Variants in LIN52 observed in about 807,000 individuals in gnomAD.
LIN52 encodes protein lin-52 homolog.
LIN52 carries 4 observed loss-of-function variants against 18.5 expected under a neutral mutation model. The ratio of observed to expected loss-of-function variants is 0.22; its 90% confidence interval spans 0.11 to 0.49. The LOEUF (loss-of-function observed/expected upper bound fraction) is 0.49. LIN52 is among the 20% of genes least tolerant of loss of function. LIN52 has a pLI of 0.97. For missense variants in LIN52, 102 were observed against 139.5 expected (o/e 0.73, Z 1.35); for synonymous variants, 34 against 45.5 (o/e 0.75, Z 1.02).
intron 5 of LIN52, among the ~76,000 whole-genome samples, chr14:74,133,065 T>C (rs904901855): frequency 6.6e-6 from 1 of 151,956 alleles, no homozygotes; most frequent in African/African-American, 2.4e-5. Context: ...TCAAAATCTA[T>C]CAGAGCTAAT....
chr14:74,093,177 C>T (rs1255534055), intron 2 of LIN52, among the ~76,000 whole-genome samples: 3 of 151,630 alleles, frequency 2.0e-5, no homozygotes, highest in African/African-American at 4.8e-5. Context: ...GAACTCCTGA[C>T]CTCAGGTGAT....
chr14:74,111,387 C>G (rs1346949695), intron 5 of LIN52, among the ~76,000 whole-genome samples: 1 of 151,780 alleles, frequency 6.6e-6, no homozygotes, highest in Admixed American at 6.6e-5. Flanking sequence ...CTCCCAGGTT[C>G]AAGCAATCCT....
At chr14:74,088,697 C>A (rs1043905793) in intron 1 of LIN52, among the ~76,000 whole-genome samples, 1 of 152,144 alleles carries the variant, frequency 6.6e-6, no homozygotes, top group African/African-American at 2.4e-5. Flanking sequence ...GAGAAAAGTA[C>A]ATTTTGTACG....
intron 5 of LIN52, among the ~76,000 whole-genome samples, chr14:74,159,567 GTT>G (rs11288935): frequency 0.021 from 2,820 of 133,030 alleles, 42 homozygotes; most frequent in African/African-American, 0.063. Context: ...TGTGGGGTTT[GTT>G]TTTTTTTTTT....
At chr14:74,114,043 T>G (rs1274377612) in intron 5 of LIN52, 9 of 520,004 alleles carry the variant, frequency 1.7e-5, no homozygotes, top group Non-Finnish European at 2.2e-5. Context: ...TGCAATGGTG[T>G]GATCTTGGCT....
intron 5 of LIN52, among the ~76,000 whole-genome samples, chr14:74,142,394 C>A (rs2061135224): frequency 6.6e-6 from 1 of 152,014 alleles, no homozygotes; most frequent in South Asian, 2.1e-4. Flanking sequence ...TAATTGGAGG[C>A]TATTATTAAT....
intron 5 of LIN52, among the ~76,000 whole-genome samples, chr14:74,190,389 C>CTTTTTTTTTTTT (rs68037994): frequency 5.6e-5 from 6 of 106,306 alleles, no homozygotes; most frequent in South Asian, 3.1e-4. Flanking sequence ...GCCTAAATAA[C>CTTTTTTTTTTTT]TTTTTTTTTT....
intron 5 of LIN52, among the ~76,000 whole-genome samples, chr14:74,193,972 G>A (rs893165253): frequency 2.0e-5 from 3 of 152,214 alleles, no homozygotes; most frequent in Non-Finnish European, 4.4e-5. Context: ...CATTGGAATT[G>A]AAAAACTGAA....
At chr14:74,117,285 A>G (rs552890801) in intron 5 of LIN52, among the ~76,000 whole-genome samples, 2 of 152,340 alleles carry the variant, frequency 1.3e-5, no homozygotes, top group South Asian at 4.1e-4. Flanking sequence ...TGGCCAAAGA[A>G]GCATATTTTC....
At chr14:74,161,479 G>C (rs970923453) in intron 5 of LIN52, among the ~76,000 whole-genome samples, 1 of 152,136 alleles carries the variant, frequency 6.6e-6, no homozygotes, top group Non-Finnish European at 1.5e-5. Flanking sequence ...CAGCCACCGT[G>C]CCCGGTCTGA....
rs556930966 is a variant in LIN52, at chr14:74,186,432, A to G, written c.284-12490A>G. 3.9e-5 allele frequency among the ~76,000 whole-genome samples: 6 copies of G among 152,338 alleles called. No homozygotes were observed. In the East Asian group the frequency reaches 1.2e-3, roughly 29 times the overall value. Reference sequence around the variant, plus strand: ...TGTTCTAATTGCTGGGGATACAGCAAGAGGTTCTGCAGAACTTCATGGAGC... The same window carrying G: ...TGTTCTAATTGCTGGGGATACAGCAGGAGGTTCTGCAGAACTTCATGGAGC... On this transcript the variant is annotated intron_variant, in intron 5 of 5. Transcript: ENST00000555028.
At chr14:74,134,744 A>T (rs564852310) in intron 5 of LIN52, among the ~76,000 whole-genome samples, 1 of 152,140 alleles carries the variant, frequency 6.6e-6, no homozygotes. Context: ...CATCTGCCTT[A>T]TCTTAATTCT....
intron 5 of LIN52, among the ~76,000 whole-genome samples, chr14:74,116,213 G>C (rs935265135): frequency 3.3e-5 from 5 of 152,164 alleles, no homozygotes; most frequent in Non-Finnish European, 7.3e-5. Context: ...TGAGGCATGA[G>C]AATCGCTTGA....
At chr14:74,192,683 A>C (rs2078886506) in intron 5 of LIN52, 1 of 256,994 alleles carries the variant, frequency 3.9e-6, no homozygotes, top group Non-Finnish European at 7.6e-6. Context: ...GACTAATGAA[A>C]GCTCGTTGTG....
chr14:74,158,470 ATTTAC>A (rs1486840040), intron 5 of LIN52, among the ~76,000 whole-genome samples: 1 of 119,264 alleles, frequency 8.4e-6, no homozygotes, highest in Non-Finnish European at 2.0e-5. Flanking sequence ...ATTTTTATTT[ATTTAC>A]TTGTTTGTTT....
At chr14:74,146,617 A>G (rs943822959) in intron 5 of LIN52, among the ~76,000 whole-genome samples, 2 of 152,234 alleles carry the variant, frequency 1.3e-5, no homozygotes, top group Non-Finnish European at 2.9e-5. Flanking sequence ...TTGATTGTTC[A>G]GAATACCTTG....
At chr14:74,099,510 C>T (rs1401013834) in intron 4 of LIN52, among the ~76,000 whole-genome samples, 1 of 151,874 alleles carries the variant, frequency 6.6e-6, no homozygotes, top group Non-Finnish European at 1.5e-5. Flanking sequence ...TGCAAACTGA[C>T]CTGTGTCTTA....
At chr14:74,090,192 T>G (rs1016847585) in intron 1 of LIN52, among the ~76,000 whole-genome samples, 1 of 151,956 alleles carries the variant, frequency 6.6e-6, no homozygotes, top group Non-Finnish European at 1.5e-5. Flanking sequence ...CCAATTTTTG[T>G]ATTTTTAGTA....
intron 5 of LIN52, among the ~76,000 whole-genome samples, chr14:74,128,456 G>T (rs557826559): frequency 3.3e-4 from 50 of 152,270 alleles, no homozygotes; most frequent in African/African-American, 1.1e-3. Context: ...AACAGTGCCT[G>T]GCACCACTGG....
Sources: allele counts gnomAD v4.1 joint callset (sites outside exome capture counted in the v4.1 genomes callset), GRCh38; gene constraint gnomAD v4.1.1; transcripts MANE v1.5; gene names NCBI Gene and HGNC (gene_info 2026-07-23, HGNC 2026-07-21).